WDFY3: variants seen among roughly 807,000 people sequenced by gnomAD.
WDFY3 encodes the protein WD repeat and FYVE domain-containing protein 3.
A neutral mutation model predicts 409.6 loss-of-function variants in WDFY3; 66 were observed. That is an observed-to-expected ratio of 0.16 (90% CI 0.13 to 0.20). The LOEUF (loss-of-function observed/expected upper bound fraction) is 0.20, where lower values mean the gene tolerates loss of function less well. Ranked by LOEUF, WDFY3 falls within the 10% of genes least tolerant of loss-of-function variation. The pLI is 1.00. For missense variants in WDFY3, 3,031 were observed against 4,298.1 expected (o/e 0.71, Z 8.24); for synonymous variants, 1,521 against 1,537.1 (o/e 0.99, Z 0.25).
At chr4:84,916,134 G>T (rs1768454533) in intron 2 of WDFY3, among the ~76,000 whole-genome samples, 2 of 152,120 alleles carry the variant, frequency 1.3e-5, no homozygotes, top group Non-Finnish European at 1.5e-5. Flanking sequence ...TCAGAAAACG[G>T]ATGAACGACA....
intron 36 of WDFY3, among the ~76,000 whole-genome samples, chr4:84,750,606 G>A (rs1459697867): frequency 6.6e-6 from 1 of 152,170 alleles, no homozygotes; most frequent in East Asian, 1.9e-4. Context: ...TGGACTGTTT[G>A]ACCTTATTTA....
At chr4:84,933,019 T>C (rs189530431) in intron 1 of WDFY3, among the ~76,000 whole-genome samples, 2 of 152,214 alleles carry the variant, frequency 1.3e-5, no homozygotes, top group East Asian at 3.9e-4. Context: ...CTCAACAAGT[T>C]CTATAGTGTA....
chr4:84,717,621 C>A (rs1018403371), intron 48 of WDFY3, among the ~76,000 whole-genome samples: 2 of 152,102 alleles, frequency 1.3e-5, no homozygotes, highest in African/African-American at 4.8e-5. Context: ...TGGTCTGTCT[C>A]CTGAGTTTTC....
At position 84,794,673 on chromosome 4, in the gene WDFY3, A is replaced by G. The variant is rs1578549238; in HGVS notation, c.3333T>C (p.Phe1111=). 3 of 1,614,084 alleles carry G rather than the reference A, an allele frequency of 1.9e-6. No homozygotes were observed. The highest frequency in any genetic ancestry group is 2.2e-5 in the East Asian group (1 of 44,862). The part of the protein sequence containing the change: ...SYSSWFCIEH[F]SSPPNNHPVR... ...CAGGGTGGTTATTTGGAGGAGAACT[A>G]AAATGTTCAATACAAAACCAGCTAG... Residue 1111 remains phenylalanine, a synonymous_variant, in exon 21 of 68, where the codon TTT becomes TTC. Coordinates refer to ENST00000295888, the MANE Select transcript of WDFY3 (RefSeq NM_014991.6).
intron 3 of WDFY3, among the ~76,000 whole-genome samples, chr4:84,888,707 T>G (rs929892012): frequency 6.6e-6 from 1 of 152,174 alleles, no homozygotes; most frequent in Non-Finnish European, 1.5e-5. Context: ...TGTACCAGCT[T>G]ATGAGAGCCG....
At chr4:84,841,319 T>C in intron 5 of WDFY3, 56 bp from the exon 6 acceptor site, 1 of 1,462,664 alleles carries the variant, frequency 6.8e-7, no homozygotes, top group South Asian at 1.2e-5. Context: ...ATAAAGAGGT[T>C]CTTCTTTAAA....
intron 34 of WDFY3, 131 bp downstream of exon 34, chr4:84,755,135 A>G (rs1469644950): frequency 6.8e-6 from 9 of 1,326,542 alleles, no homozygotes; most frequent in Non-Finnish European, 8.3e-6. Flanking sequence ...TTTGTCTAAC[A>G]TAAGAGTCTG....
intron 36 of WDFY3, among the ~76,000 whole-genome samples, chr4:84,746,096 G>A (rs572162387): frequency 4.1e-5 from 6 of 146,802 alleles, no homozygotes; most frequent in Middle Eastern, 3.6e-3. Context: ...TTACTTGAAC[G>A]CAGGAGTTCA....
At chr4:84,821,029 T>C (rs974570919) in intron 11 of WDFY3, 55 bp downstream of exon 11, 2 of 1,445,868 alleles carry the variant, frequency 1.4e-6, no homozygotes, top group Admixed American at 2.5e-5. Flanking sequence ...GAACAAAAAA[T>C]TCTCTGTTTT....
intron 17 of WDFY3, 53 bp downstream of exon 17, chr4:84,801,597 C>G: frequency 6.5e-7 from 1 of 1,540,838 alleles, no homozygotes; most frequent in Admixed American, 1.8e-5. Context: ...CATAAGGACT[C>G]TAGAAACTGA....
chr4:84,945,685 TATG>T (rs1234208270), intron 1 of WDFY3, among the ~76,000 whole-genome samples: 2 of 152,118 alleles, frequency 1.3e-5, no homozygotes, highest in East Asian at 3.9e-4. Context: ...CCCACTAATA[TATG>T]ATGTCTCCCA....
chr4:84,715,855 A>G (rs1204595723), intron 49 of WDFY3, among the ~76,000 whole-genome samples: 4 of 151,418 alleles, frequency 2.6e-5, no homozygotes, highest in Non-Finnish European at 5.9e-5. Flanking sequence ...TAAGCTACAC[A>G]ATAAATAGAT....
rs920854231 is a variant in WDFY3, at chr4:84,769,438, G to C, written c.4850-3066C>G. On this transcript the variant is annotated intron_variant, in intron 30 of 67. Transcript: ENST00000295888. ...ATTATTATTATTATTTTTTTGAGAC[G>C]AAGTCTCACTCTGTCGCCCAGGCTG... Among the ~76,000 whole-genome samples, 16 of 151,870 alleles carry C rather than the reference G, an allele frequency of 1.1e-4. No individual in the cohort carries two copies. The South Asian group carries it at 2.3e-3, about 22-fold the overall frequency.
intron 26 of WDFY3, 102 bp from the exon 27 acceptor site, chr4:84,778,757 A>G: frequency 9.2e-7 from 1 of 1,084,046 alleles, no homozygotes; most frequent in Admixed American, 2.8e-5. Flanking sequence ...ACATACACAC[A>G]CAAACACACA....
intron 56 of WDFY3, among the ~76,000 whole-genome samples, chr4:84,699,207 T>C (rs1449407426): frequency 3.3e-5 from 5 of 152,138 alleles, no homozygotes; most frequent in Non-Finnish European, 7.4e-5. Context: ...TGTTAATCAG[T>C]AGCTGCCCGT....
At chr4:84,919,976 T>C (rs1382576394) in intron 2 of WDFY3, among the ~76,000 whole-genome samples, 1 of 152,204 alleles carries the variant, frequency 6.6e-6, no homozygotes, top group Non-Finnish European at 1.5e-5. Flanking sequence ...ATATTCCTTA[T>C]GTAATATTCC....
intron 4 of WDFY3, among the ~76,000 whole-genome samples, chr4:84,851,637 T>C (rs116680690): frequency 0.037 from 5,621 of 152,280 alleles, 204 homozygotes; most frequent in Admixed American, 0.11. Flanking sequence ...TTTCCATGTA[T>C]TGGTTACAAA....
At chr4:84,697,916 A>C (rs1560549011) in intron 56 of WDFY3, among the ~76,000 whole-genome samples, 1 of 152,220 alleles carries the variant, frequency 6.6e-6, no homozygotes, top group Non-Finnish European at 1.5e-5. Flanking sequence ...GTTTATTTAC[A>C]ATGTGATATC....
intron 3 of WDFY3, among the ~76,000 whole-genome samples, chr4:84,869,309 C>G (rs916732745): frequency 1.3e-5 from 2 of 152,192 alleles, no homozygotes; most frequent in African/African-American, 4.8e-5. Flanking sequence ...CCTTTGACTT[C>G]TCCCAATTGT....
Sources: gnomAD v4.1 joint callset for allele counts (sites outside exome capture counted in the v4.1 genomes callset) on GRCh38, gnomAD v4.1.1 for gene constraint, MANE v1.5 for transcripts, NCBI Gene and HGNC (gene_info 2026-07-23, HGNC 2026-07-21) for gene names.